The following CRISPLD2 variants were observed in gnomAD, a reference collection of about 807,000 sequenced individuals.
The protein encoded by CRISPLD2 is cysteine rich secretory protein LCCL domain containing 2.
Under a neutral mutation model 71.1 loss-of-function variants are expected in CRISPLD2, and 47 were observed. The observed-to-expected ratio is 0.66, with a 90% CI of 0.52 to 0.84. CRISPLD2 has a LOEUF of 0.84. Among genes scored for constraint, CRISPLD2 ranks in the 40% least tolerant of loss-of-function variants. CRISPLD2 has a pLI of 0.00. For synonymous variants in CRISPLD2, 317 were observed against 250.1 expected (o/e 1.27, Z -2.52); for missense variants, 830 against 651.1 (o/e 1.27, Z -2.99).
At chr16:84,863,913 C>T (rs1459412980) in intron 6 of CRISPLD2, among the ~76,000 whole-genome samples, 27 of 136,824 alleles carry the variant, frequency 2.0e-4, no homozygotes, top group Non-Finnish European at 1.1e-4. Context: ...GCCGAGATCA[C>T]ACCATTGCAC....
At chr16:84,884,960 A>C (rs1051946979) in intron 13 of CRISPLD2, among the ~76,000 whole-genome samples, 2 of 152,230 alleles carry the variant, frequency 1.3e-5, no homozygotes, top group African/African-American at 4.8e-5. Flanking sequence ...TCCACTGGGA[A>C]ACAGCCTGGG....
intron 10 of CRISPLD2, chr16:84,873,642 T>C: frequency 2.8e-6 from 1 of 356,642 alleles, no homozygotes; most frequent in Non-Finnish European, 4.9e-6. Context: ...ATTTTGCAGC[T>C]GTGGTTAGAT....
Position 84,845,975 on chromosome 16 carries a change from C to A in CRISPLD2, c.359+71C>A, listed in dbSNP as rs1475210482. The stretch of plus-strand genomic sequence containing the variant: ...CGTGTGCCGGGCTCAGCACTTGTGC[C>A]CCTTATCAAGTTTAGCCTGCAAAGA... On this transcript the variant is annotated intron_variant, in intron 3 of 14. Coordinates refer to ENST00000262424, the MANE Select transcript of CRISPLD2 (RefSeq NM_031476.4). 4.1e-6 allele frequency: 4 copies of A among 973,594 alleles called. No homozygotes were observed. The African/African-American group carries it at 4.9e-5, about 12-fold the overall frequency. 60.3% of individuals were successfully genotyped at this position (973,594 alleles called of 1,614,324 possible). A position where few individuals can be genotyped will look rare whatever the true frequency, so the allele number is the denominator to read the frequency against.
chr16:84,899,165 C>T (rs1166460024), intron 14 of CRISPLD2, among the ~76,000 whole-genome samples: 1 of 152,196 alleles, frequency 6.6e-6, no homozygotes, highest in Admixed American at 6.5e-5. Flanking sequence ...GCTGAGACTA[C>T]AGGTGTGAGC....
rs548618883 is a variant in CRISPLD2, at chr16:84,827,519, C to G, written c.-75+7386C>G. ...CGCCTCGACTGTGACCCCTTCTGAG[C>G]CTTTGTCCTTGCCCTTCCTGCTGCC... On this transcript the variant is annotated intron_variant, in intron 1 of 14. Transcript: ENST00000262424. Among the ~76,000 whole-genome samples, 14 of 152,016 alleles carry G rather than the reference C, an allele frequency of 9.2e-5. No individual in the cohort carries two copies. The South Asian group carries it at 2.9e-3, about 32-fold the overall frequency.
Position 84,846,380 on chromosome 16 carries a change from G to C in CRISPLD2, c.359+476G>C, listed in dbSNP as rs1916915174. ...TGATTCTCGAGCCTCAGCCTCCCAA[G>C]TAGCTGGGACTATAGGCATGTGCCA... On this transcript the variant is annotated intron_variant, in intron 3 of 14. Transcript: ENST00000262424. Among the ~76,000 whole-genome samples, 6 of 152,228 alleles carry C rather than the reference G, an allele frequency of 3.9e-5. No individual in the cohort carries two copies. The South Asian group carries it at 1.2e-3, about 32-fold the overall frequency.
intron 11 of CRISPLD2, among the ~76,000 whole-genome samples, chr16:84,875,812 C>T (rs1374710246): frequency 4.0e-5 from 6 of 151,708 alleles, no homozygotes; most frequent in Admixed American, 2.6e-4. Context: ...GTGATCCACC[C>T]GCCTGGGCCT....
At chr16:84,886,999 T>C (rs1020298573) in intron 13 of CRISPLD2, among the ~76,000 whole-genome samples, 1 of 152,166 alleles carries the variant, frequency 6.6e-6, no homozygotes, top group Non-Finnish European at 1.5e-5. Flanking sequence ...CCCCTGTACT[T>C]CCTGTCTCCA....
intron 11 of CRISPLD2, among the ~76,000 whole-genome samples, chr16:84,875,414 CTTTTTT>C (rs34028519): frequency 1.1e-5 from 1 of 87,770 alleles, no homozygotes; most frequent in Non-Finnish European, 2.0e-5. Flanking sequence ...TATGCATGGA[CTTTTTT>C]TTTTTTTTTT....
chr16:84,830,001 G>T (rs1397836875), intron 1 of CRISPLD2, among the ~76,000 whole-genome samples: 1 of 152,204 alleles, frequency 6.6e-6, no homozygotes, highest in Non-Finnish European at 1.5e-5. Flanking sequence ...AGCTTGGACT[G>T]GCTCATACCA....
chr16:84,846,664 G>A (rs1312874160), intron 3 of CRISPLD2, among the ~76,000 whole-genome samples: 1 of 152,176 alleles, frequency 6.6e-6, no homozygotes, highest in Non-Finnish European at 1.5e-5. Flanking sequence ...TCTGCTCACT[G>A]TTTAAGGCTG....
At chr16:84,831,352 G>A (rs1916483521) in intron 1 of CRISPLD2, among the ~76,000 whole-genome samples, 1 of 152,154 alleles carries the variant, frequency 6.6e-6, no homozygotes, top group Non-Finnish European at 1.5e-5. Flanking sequence ...GCTAATATAC[G>A]TTTCAAATTC....
intron 14 of CRISPLD2, among the ~76,000 whole-genome samples, chr16:84,893,950 G>A (rs1290891315): frequency 6.6e-6 from 1 of 152,228 alleles, no homozygotes; most frequent in Non-Finnish European, 1.5e-5. Flanking sequence ...CGTAGATGTT[G>A]TATATACTGT....
chr16:84,887,238 T>C (rs2071621239), intron 13 of CRISPLD2, among the ~76,000 whole-genome samples: 1 of 152,168 alleles, frequency 6.6e-6, no homozygotes, highest in East Asian at 1.9e-4. Context: ...TGGTGGGGGT[T>C]AAGCTTTTAA....
At chr16:84,889,493 A>C in intron 14 of CRISPLD2, 130 bp downstream of exon 14, 1 of 863,996 alleles carries the variant, frequency 1.2e-6, no homozygotes, top group Non-Finnish European at 1.6e-6. Context: ...AATTCTTACC[A>C]GGACTCCCAG....
rs1018392900 is a variant in CRISPLD2 at position 84,908,804 on chromosome 16, T to G, written c.*2162T>G. ...CCCGGGTTCAAGCAATTCTCATGCA[T>G]CAGCCTCCCAAGTACCTGGGACTAC... On this transcript the variant is annotated 3_prime_UTR_variant, in exon 15 of 15. Coordinates refer to ENST00000262424, the MANE Select transcript of CRISPLD2 (RefSeq NM_031476.4). The G allele has an allele frequency of 1.3e-5, 2 of 150,428 alleles. No individual in the cohort carries two copies. The highest frequency in any genetic ancestry group is 4.9e-5 in the African/African-American group (2 of 40,930). 9.3% of individuals were successfully genotyped at this position (150,428 alleles called of 1,614,324 possible).
intron 1 of CRISPLD2, among the ~76,000 whole-genome samples, chr16:84,829,556 A>G (rs1172993168): frequency 6.6e-6 from 1 of 152,008 alleles, no homozygotes; most frequent in Non-Finnish European, 1.5e-5. Flanking sequence ...GAGCCTAGAG[A>G]ACACCCCGAC....
At chr16:84,823,451 C>A (rs1181253393) in intron 1 of CRISPLD2, among the ~76,000 whole-genome samples, 2 of 152,114 alleles carry the variant, frequency 1.3e-5, no homozygotes, top group Non-Finnish European at 2.9e-5. Context: ...TTTTGAGTTC[C>A]TTCTTGAAGC....
chr16:84,848,201 G>T (rs1916968609), intron 3 of CRISPLD2, among the ~76,000 whole-genome samples: 1 of 152,214 alleles, frequency 6.6e-6, no homozygotes, highest in South Asian at 2.1e-4. Flanking sequence ...CAGGGAAGCG[G>T]ATGAGTGGCC....
Sources: gnomAD v4.1 joint callset for allele counts (sites outside exome capture counted in the v4.1 genomes callset) on GRCh38, gnomAD v4.1.1 for gene constraint, MANE v1.5 for transcripts, NCBI Gene and HGNC (gene_info 2026-07-23, HGNC 2026-07-21) for gene names.